Variants in VASH2 observed in about 807,000 individuals in gnomAD.
The protein encoded by VASH2 is tubulinyl-Tyr carboxypeptidase 2.
VASH2 carries 28 observed loss-of-function variants against 37.2 expected under a neutral mutation model. That is an observed-to-expected ratio of 0.75 (90% CI 0.56 to 1.03). The LOEUF is 1.03. Among genes scored for constraint, VASH2 ranks in the 50% least tolerant of loss-of-function variants. The pLI is 0.00. For synonymous variants in VASH2, 188 were observed against 174.7 expected (o/e 1.08, Z -0.60); for missense variants, 419 against 459.1 (o/e 0.91, Z 0.80).
chr1:212,977,958 A>G (rs1667228660), intron 7 of VASH2, among the ~76,000 whole-genome samples: 2 of 152,214 alleles, frequency 1.3e-5, no homozygotes, highest in Admixed American at 1.3e-4. Flanking sequence ...ACCCTGAAAA[A>G]TAACAGTCAC....
rs778068525 is a variant in VASH2, at chr1:212,990,106, A to T, written c.*1522A>T. The T allele has an allele frequency of 1.3e-5, 2 of 152,152 alleles. No individual in the cohort carries two copies. The highest frequency in any genetic ancestry group is 2.4e-5 in the African/African-American group (1 of 41,432). The allele number at this position is 152,152 out of a possible 1,614,324, so 9.4% of individuals were successfully genotyped here. A position where few individuals can be genotyped will look rare whatever the true frequency, so the allele number is the denominator to read the frequency against. On this transcript the variant is annotated 3_prime_UTR_variant, in exon 8 of 8. Coordinates refer to ENST00000517399, the MANE Select transcript of VASH2 (RefSeq NM_001301056.2). The stretch of plus-strand genomic sequence containing the variant: ...TTGAGATTCTTTACCAATTCTTTAC[A>T]AGATTTCTGGGGGTGACAGGGAAAG...
chr1:212,972,455 A>T, intron 5 of VASH2, 125 bp from the exon 6 acceptor site: 1 of 1,151,176 alleles, frequency 8.7e-7, no homozygotes, highest in Non-Finnish European at 1.2e-6. Flanking sequence ...TGGAAAAGTT[A>T]GATGTGGGCC....
rs567849367 is a variant in VASH2, at chr1:212,981,628, C to G, written c.996-6884C>G. ...CTAACGTTTACAGTGGCACTTTTCC[C>G]ACACTTCCCTTCCTGGACTCCCGAG... On this transcript the variant is annotated intron_variant, in intron 7 of 7. Transcript: ENST00000517399. Among the ~76,000 whole-genome samples the G allele has an allele frequency of 2.0e-5, 3 of 152,290 alleles. No homozygotes were observed. The South Asian group carries it at 6.2e-4, about 32-fold the overall frequency.
At chr1:212,979,291 G>A (rs1021537018) in intron 7 of VASH2, among the ~76,000 whole-genome samples, 1 of 152,316 alleles carries the variant, frequency 6.6e-6, no homozygotes, top group Admixed American at 6.5e-5. Flanking sequence ...GACAAATATG[G>A]TCTTGACCCA....
intron 2 of VASH2, among the ~76,000 whole-genome samples, chr1:212,954,748 C>G (rs1666430831): frequency 6.6e-6 from 1 of 152,184 alleles, no homozygotes; most frequent in Non-Finnish European, 1.5e-5. Context: ...GTGGCCACAT[C>G]ATATTGTACT....
intron 5 of VASH2, among the ~76,000 whole-genome samples, chr1:212,970,644 C>T (rs1210972239): frequency 2.0e-5 from 3 of 152,178 alleles, no homozygotes; most frequent in South Asian, 2.1e-4. Flanking sequence ...AATCCCAACA[C>T]TTTGGGAGGC....
At chr1:212,984,429 T>C (rs1450432034) in intron 7 of VASH2, among the ~76,000 whole-genome samples, 5 of 152,164 alleles carry the variant, frequency 3.3e-5, no homozygotes, top group African/African-American at 1.2e-4. Flanking sequence ...CTTTGTTTTC[T>C]CCCTGAGCCT....
rs12093348 is a variant in VASH2 at position 212,985,520 on chromosome 1, A to C, written c.996-2992A>C. Among the ~76,000 whole-genome samples the C allele has an allele frequency of 3.9e-3, 577 of 149,572 alleles. 6 individuals carry two copies. Among genetic ancestry groups the C allele is most frequent in the African/African-American group, 0.013 (543 of 40,456 alleles). ...CTGCAACCTCCGCTTCCCAGGTTCC[A>C]GTGATTCTGCCTCAGCCTCCCAAGT... On this transcript the variant is annotated intron_variant, in intron 7 of 7. Transcript: ENST00000517399.
At chr1:212,983,348 G>C (rs1025656082) in intron 7 of VASH2, among the ~76,000 whole-genome samples, 7 of 152,186 alleles carry the variant, frequency 4.6e-5, no homozygotes, top group Non-Finnish European at 1.0e-4. Flanking sequence ...AGATCAAGTG[G>C]CTGACATCTG....
At chr1:212,953,576 G>A (rs529212985) in intron 2 of VASH2, among the ~76,000 whole-genome samples, 19 of 152,314 alleles carry the variant, frequency 1.2e-4, no homozygotes, top group African/African-American at 4.6e-4. Flanking sequence ...GGATGGAAGG[G>A]ACTTGGAGTA....
At chr1:212,953,054 A>G (rs1476867132) in intron 2 of VASH2, among the ~76,000 whole-genome samples, 1 of 152,088 alleles carries the variant, frequency 6.6e-6, no homozygotes, top group African/African-American at 2.4e-5. Context: ...TGCAGTTCTG[A>G]CTTGAGAATT....
At chr1:212,985,025 T>G (rs1667437162) in intron 7 of VASH2, among the ~76,000 whole-genome samples, 1 of 150,074 alleles carries the variant, frequency 6.7e-6, no homozygotes, top group Admixed American at 6.6e-5. Context: ...ATAATTCACT[T>G]TTTTTTTCTT....
intron 5 of VASH2, chr1:212,966,959 G>A (rs1446933756): frequency 2.1e-6 from 1 of 469,938 alleles, no homozygotes; most frequent in Non-Finnish European, 4.0e-6. Flanking sequence ...CCAGCAGGCT[G>A]GTCTCAAACT....
intron 5 of VASH2, chr1:212,968,791 G>C: frequency 1.0e-6 from 1 of 985,498 alleles, no homozygotes. Flanking sequence ...CTGGGGATTT[G>C]CTGGTGGAAG....
chr1:212,951,031 A>G lies in VASH2; in HGVS notation c.-205+291A>G, dbSNP rs1163323143. ...CAGGAATGTGTGGAGCCTTGCGGGAACCTCCTGTTCCTTCATGCTACACAA... is the reference window on the plus strand; with the variant it reads ...CAGGAATGTGTGGAGCCTTGCGGGAGCCTCCTGTTCCTTCATGCTACACAA... On this transcript the variant is annotated intron_variant, in intron 1 of 7. Transcript: ENST00000517399. This position sits in a 1 kb window ranked among gnomAD's most constrained non-coding sequence, Gnocchi z 4.4. Among the ~76,000 whole-genome samples, 2 of 152,044 alleles carry G rather than the reference A, an allele frequency of 1.3e-5. No individual in the cohort carries two copies. Among genetic ancestry groups the G allele is most frequent in the African/African-American group, 2.4e-5 (1 of 41,362 alleles).
chr1:212,980,540 G>A (rs1269027601), intron 7 of VASH2, among the ~76,000 whole-genome samples: 2 of 152,150 alleles, frequency 1.3e-5, no homozygotes, highest in Non-Finnish European at 2.9e-5. Context: ...GGTCCCAGAG[G>A]TTAGTAAGCC....
chr1:212,967,535 C>G, intron 5 of VASH2: 2 of 929,602 alleles, frequency 2.2e-6, no homozygotes, highest in African/African-American at 1.7e-5. Context: ...TGACTTTTTT[C>G]CAAAAGGCAA....
rs34874166 is a variant in VASH2 at position 212,981,721 on chromosome 1, T to A, written c.996-6791T>A. ...GAGGGTGAGCACCTGCCGGCACACG[T>A]ACCCAGACATGGCCCTCAGTCAGAG... On this transcript the variant is annotated intron_variant, in intron 7 of 7. Coordinates refer to ENST00000517399, the MANE Select transcript of VASH2 (RefSeq NM_001301056.2). 4.1e-3 allele frequency among the ~76,000 whole-genome samples: 631 copies of A among 152,350 alleles called. 5 individuals are homozygous for A. The highest frequency in any genetic ancestry group is 5.5e-3 in the Non-Finnish European group (375 of 68,032).
chr1:212,968,968 A>G (rs2102639245), intron 5 of VASH2: 2 of 985,434 alleles, frequency 2.0e-6, no homozygotes, highest in South Asian at 4.7e-5. Flanking sequence ...TTTGCGCATC[A>G]TGCCACTGGA....
Sources: allele counts gnomAD v4.1 joint callset (sites outside exome capture counted in the v4.1 genomes callset), GRCh38; gene constraint gnomAD v4.1.1; non-coding constraint Gnocchi (gnomAD v3.1); transcripts MANE v1.5; gene names NCBI Gene and HGNC (gene_info 2026-07-23, HGNC 2026-07-21).